The following GPC6 variants were observed in gnomAD, a reference collection of about 807,000 sequenced individuals.
GPC6 encodes the protein glypican 6.
A neutral mutation model predicts 55.2 loss-of-function variants in GPC6; 14 were observed. The observed-to-expected ratio is 0.25, with a 90% confidence interval of 0.17 to 0.40. GPC6 has a LOEUF of 0.40. GPC6 is among the 10% of genes least tolerant of loss of function. The probability of loss-of-function intolerance (pLI) is 1.00; values close to 1 mark genes in which losing one functional copy is unlikely to be tolerated. For missense variants in GPC6, 641 were observed against 708.5 expected (o/e 0.90, Z 1.08); for synonymous variants, 278 against 259.6 (o/e 1.07, Z -0.68).
chr13:94,158,380 T>TAAA (rs56292041), intron 4 of GPC6, among the ~76,000 whole-genome samples: 11 of 146,804 alleles, frequency 7.5e-5, no homozygotes, highest in African/African-American at 2.5e-4. Context: ...GATGATGCTT[T>TAAA]AAAAAAAAAA....
chr13:94,025,360 T>G (rs1372221951), intron 3 of GPC6: 1 of 152,162 alleles, frequency 6.6e-6, no homozygotes, highest in Admixed American at 6.6e-5. Context: ...GTGTAAGAAT[T>G]TTAAATTTCA....
intron 5 of GPC6, among the ~76,000 whole-genome samples, chr13:94,301,568 T>C (rs1875653984): frequency 6.6e-6 from 1 of 152,190 alleles, no homozygotes; most frequent in African/African-American, 2.4e-5. Context: ...TCTAGACACA[T>C]GGTTCTGTTT....
chr13:93,718,970 G>C (rs1883348114), intron 2 of GPC6, among the ~76,000 whole-genome samples: 1 of 151,994 alleles, frequency 6.6e-6, no homozygotes, highest in South Asian at 2.1e-4. Flanking sequence ...TTACCAAGCT[G>C]TTTTGGTTAC....
chr13:94,284,449 C>A (rs1892474424), intron 4 of GPC6, among the ~76,000 whole-genome samples: 1 of 140,474 alleles, frequency 7.1e-6, no homozygotes, highest in Non-Finnish European at 1.5e-5. Flanking sequence ...CATATGAATA[C>A]ATGTATGTTT....
chr13:93,344,786 A>G (rs1280956444), intron 1 of GPC6, among the ~76,000 whole-genome samples: 1 of 152,214 alleles, frequency 6.6e-6, no homozygotes, highest in Non-Finnish European at 1.5e-5. Flanking sequence ...AGCCTCACTC[A>G]GGATTGCTAA....
At chr13:94,322,300 G>A (rs1328336974) in intron 6 of GPC6, among the ~76,000 whole-genome samples, 1 of 152,214 alleles carries the variant, frequency 6.6e-6, no homozygotes, top group Non-Finnish European at 1.5e-5. Context: ...ACGTGGAACT[G>A]TGAGTCCATT....
At chr13:93,636,031 G>A (rs36073356) in intron 2 of GPC6, among the ~76,000 whole-genome samples, 7,045 of 152,202 alleles carry the variant, frequency 0.046, 232 homozygotes, top group Non-Finnish European at 0.072. Context: ...TTGAGAGAGA[G>A]AGAGCACACA....
At chr13:93,712,008 A>G (rs545268345) in intron 2 of GPC6, among the ~76,000 whole-genome samples, 3 of 151,796 alleles carry the variant, frequency 2.0e-5, no homozygotes, top group African/African-American at 7.2e-5. Context: ...CTACTGATGC[A>G]TGCTACCTCC....
At chr13:93,488,697 G>C (rs1031323880) in intron 1 of GPC6, among the ~76,000 whole-genome samples, 3 of 152,094 alleles carry the variant, frequency 2.0e-5, no homozygotes, top group African/African-American at 7.2e-5. Flanking sequence ...GTGTGGTTTT[G>C]ATTTGCATTT....
intron 3 of GPC6, among the ~76,000 whole-genome samples, chr13:93,878,629 C>T (rs890352228): frequency 1.3e-5 from 2 of 152,078 alleles, no homozygotes; most frequent in Non-Finnish European, 2.9e-5. Context: ...CCATGCACCT[C>T]AGCCTCCCAA....
At chr13:94,096,177 A>G (rs1193727831) in intron 4 of GPC6, among the ~76,000 whole-genome samples, 1 of 152,238 alleles carries the variant, frequency 6.6e-6, no homozygotes, top group African/African-American at 2.4e-5. Context: ...CCTAAAACAC[A>G]GAATTCTACT....
chr13:93,960,357 C>T (rs753015978), intron 3 of GPC6, among the ~76,000 whole-genome samples: 11 of 152,220 alleles, frequency 7.2e-5, no homozygotes, highest in East Asian at 1.9e-4. Context: ...TAACCCATCA[C>T]AGTCACGGAT....
chr13:94,309,827 G>A (rs761807351), intron 6 of GPC6, among the ~76,000 whole-genome samples: 1 of 152,096 alleles, frequency 6.6e-6, no homozygotes, highest in Non-Finnish European at 1.5e-5. Context: ...TTGCTTTCTT[G>A]TCACCAACAA....
chr13:94,035,562 C>G lies in GPC6; in HGVS notation c.877+7668C>G, dbSNP rs539135124. On this transcript the variant is annotated intron_variant, in intron 4 of 8. Transcript: ENST00000377047. ...CGGCCACCATAACCAGAGTCCTTCACGTGGTGACCAATATAATAGAATAAA... is the reference window on the plus strand; with the variant it reads ...CGGCCACCATAACCAGAGTCCTTCAGGTGGTGACCAATATAATAGAATAAA... Among the ~76,000 whole-genome samples, 23 of 152,110 alleles carry G rather than the reference C, an allele frequency of 1.5e-4. No homozygotes were observed. The South Asian group carries it at 4.8e-3, about 32-fold the overall frequency.
intron 2 of GPC6, among the ~76,000 whole-genome samples, chr13:93,675,157 C>T (rs948863961): frequency 3.2e-4 from 49 of 152,164 alleles, no homozygotes; most frequent in African/African-American, 9.6e-4. Flanking sequence ...GATGTAGGTG[C>T]GCTTCCTTAT....
chr13:94,230,030 G>A (rs1430917842), intron 4 of GPC6, among the ~76,000 whole-genome samples: 2 of 152,182 alleles, frequency 1.3e-5, no homozygotes, highest in African/African-American at 4.8e-5. Flanking sequence ...GAGTTGGGCA[G>A]ACAGATTCGT....
At chr13:93,748,616 A>T (rs1210236429) in intron 2 of GPC6, among the ~76,000 whole-genome samples, 1 of 152,086 alleles carries the variant, frequency 6.6e-6, no homozygotes, top group Non-Finnish European at 1.5e-5. Context: ...TTCATAATTA[A>T]GTCTTAAGAA....
At chr13:93,497,405 A>G (rs1361013112) in intron 1 of GPC6, among the ~76,000 whole-genome samples, 2 of 152,228 alleles carry the variant, frequency 1.3e-5, no homozygotes, top group African/African-American at 4.8e-5. Context: ...GTGAAAGAGA[A>G]GCATCAGCGC....
intron 1 of GPC6, among the ~76,000 whole-genome samples, chr13:93,399,183 T>A (rs1204346536): frequency 1.3e-5 from 2 of 152,196 alleles, no homozygotes; most frequent in Non-Finnish European, 2.9e-5. Flanking sequence ...GTGTCCTTGA[T>A]GGTGCGTGTT....
Sources: gnomAD v4.1 joint callset for allele counts (sites outside exome capture counted in the v4.1 genomes callset) on GRCh38, gnomAD v4.1.1 for gene constraint, MANE v1.5 for transcripts, NCBI Gene and HGNC (gene_info 2026-07-23, HGNC 2026-07-21) for gene names.